RRM1: variants seen among roughly 807,000 people sequenced by gnomAD.
RRM1 encodes the protein ribonucleoside-diphosphate reductase large subunit.
In RRM1, 19 loss-of-function variants were observed where a neutral mutation model predicts 101.5. The ratio of observed to expected loss-of-function variants is 0.19; its 90% CI spans 0.13 to 0.27. The LOEUF (loss-of-function observed/expected upper bound fraction) is 0.27, where lower values mean the gene tolerates loss of function less well. Ranked by LOEUF, RRM1 falls within the 10% of genes least tolerant of loss-of-function variation. RRM1 has a pLI of 1.00. For synonymous variants in RRM1, 298 were observed against 323.4 expected (o/e 0.92, Z 0.84); for missense variants, 500 against 962.9 (o/e 0.52, Z 6.36).
At chr11:4,120,444 G>A (rs193297014) in intron 9 of RRM1, among the ~76,000 whole-genome samples, 1 of 151,746 alleles carries the variant, frequency 6.6e-6, no homozygotes, top group Non-Finnish European at 1.5e-5. Flanking sequence ...GCTCACCGTA[G>A]CCTTGACCTC....
rs575877795 is a variant in RRM1 at position 4,095,156 on chromosome 11, G to A, written c.19+125G>A. 118 of 1,221,492 alleles carry A rather than the reference G, an allele frequency of 9.7e-5. 1 individual carries two copies. In the South Asian group the frequency reaches 1.6e-3, roughly 16 times the overall value. The allele number at this position is 1,221,492 out of a possible 1,614,324, so 75.7% of individuals were successfully genotyped here. ...CGCCTTTCCCGCATTTCCCGCCGCG[G>A]CCTTCCGCCCTGTCAGCCCGCTCGG... On this transcript the variant is annotated intron_variant, in intron 1 of 18. Transcript: ENST00000300738.
intron 9 of RRM1, among the ~76,000 whole-genome samples, chr11:4,120,950 C>T (rs1262250698): frequency 1.3e-5 from 2 of 152,170 alleles, no homozygotes; most frequent in Non-Finnish European, 2.9e-5. Context: ...GCCCGGTAGG[C>T]AGGAGGTTGC....
At chr11:4,121,172 G>A (rs1446176093) in intron 9 of RRM1, among the ~76,000 whole-genome samples, 1 of 152,172 alleles carries the variant, frequency 6.6e-6, no homozygotes, top group Non-Finnish European at 1.5e-5. Flanking sequence ...ATCGCTTGTT[G>A]GTTTATGAAT....
At position 4,098,853 on chromosome 11, in the gene RRM1, C is replaced by T. The variant is rs114359533; in HGVS notation, c.20-3140C>T. ...ACTGATTAATGAGATGATAGTAAAA[C>T]AGGATCATGTGATAAAGATGAATGA... On this transcript the variant is annotated intron_variant, in intron 1 of 18. Coordinates refer to ENST00000300738, the MANE Select transcript of RRM1 (RefSeq NM_001033.5). Among the ~76,000 whole-genome samples the T allele has an allele frequency of 2.8e-3, 428 of 152,226 alleles. 5 individuals carry two copies. Among genetic ancestry groups the T allele is most frequent in the African/African-American group, 9.7e-3 (401 of 41,532 alleles).
At chr11:4,113,683 C>A (rs1461776130) in intron 7 of RRM1, among the ~76,000 whole-genome samples, 2 of 152,204 alleles carry the variant, frequency 1.3e-5, no homozygotes, top group Non-Finnish European at 2.9e-5. Context: ...GTATAGCCTA[C>A]TACACACATA....
intron 14 of RRM1, among the ~76,000 whole-genome samples, chr11:4,128,649 T>C (rs933989460): frequency 1.5e-4 from 23 of 152,220 alleles, no homozygotes; most frequent in African/African-American, 5.5e-4. Flanking sequence ...CTTTACTATA[T>C]AAAATGTTAA....
At chr11:4,107,700 G>A (rs2094560109) in intron 4 of RRM1, 165 bp downstream of exon 4, 2 of 582,806 alleles carry the variant, frequency 3.4e-6, no homozygotes, top group Non-Finnish European at 6.1e-6. Context: ...ATTTTAAAAT[G>A]TATTTTTCCA....
At chr11:4,111,833 T>G in intron 6 of RRM1, 67 bp from the exon 7 acceptor site, 1 of 1,460,570 alleles carries the variant, frequency 6.8e-7, no homozygotes, top group Non-Finnish European at 9.3e-7. Flanking sequence ...TTTCTGAAAT[T>G]CAAATACGTA....
intron 17 of RRM1, among the ~76,000 whole-genome samples, chr11:4,134,342 T>C (rs1272730148): frequency 2.6e-5 from 4 of 152,166 alleles, no homozygotes; most frequent in Non-Finnish European, 4.4e-5. Flanking sequence ...GGATCATAGA[T>C]AGAAAGACTG....
rs747910256 is a variant in RRM1 at position 4,121,783 on chromosome 11, G to A, written c.1038+18G>A. 6.4e-7 allele frequency: 1 copy of A among 1,572,284 alleles called. No homozygotes were observed. The highest frequency in any genetic ancestry group is 1.2e-5 in the South Asian group (1 of 83,078). The stretch of plus-strand genomic sequence containing the variant: ...CTAATCAGGTGAGAGATAGGTACTT[G>A]TTGGTAATAGCAACTTGATTCACAT... On this transcript the variant is annotated intron_variant, in intron 10 of 18. Transcript: ENST00000300738.
At chr11:4,123,120 A>G (rs1314281807) in intron 11 of RRM1, 63 bp from the exon 12 acceptor site, 4 of 1,233,812 alleles carry the variant, frequency 3.2e-6, no homozygotes, top group African/African-American at 1.5e-5. Flanking sequence ...AATGTCTTCA[A>G]GTTGTCTACA....
chr11:4,103,032 G>T (rs373455304), intron 2 of RRM1, among the ~76,000 whole-genome samples: 1 of 151,922 alleles, frequency 6.6e-6, no homozygotes, highest in Non-Finnish European at 1.5e-5. Context: ...CCATATTTCC[G>T]TCTCCTTATT....
At chr11:4,130,076 ATATATATATATTTT>A (rs1417303294) in intron 15 of RRM1, among the ~76,000 whole-genome samples, 1 of 94,702 alleles carries the variant, frequency 1.1e-5, no homozygotes, top group South Asian at 3.6e-4. Context: ...TTATATATAT[ATATATATATATTTT>A]TTTTTTTTTT....
At chr11:4,129,933 A>G (rs1431577859) in intron 15 of RRM1, among the ~76,000 whole-genome samples, 1 of 151,194 alleles carries the variant, frequency 6.6e-6, no homozygotes, top group African/African-American at 2.4e-5. Flanking sequence ...TGAAAATTAT[A>G]CTAATACTGC....
chr11:4,095,084 G>T, intron 1 of RRM1, 53 bp downstream of exon 1: 1 of 1,545,270 alleles, frequency 6.5e-7, no homozygotes. Flanking sequence ...GCGGGCTGCC[G>T]CCGCCGGAGC....
intron 12 of RRM1, among the ~76,000 whole-genome samples, chr11:4,123,736 A>G (rs1378634653): frequency 1.3e-5 from 2 of 152,188 alleles, no homozygotes; most frequent in Non-Finnish European, 2.9e-5. Flanking sequence ...TGAGCCTGGA[A>G]AGTGGAGGCT....
At chr11:4,122,480 G>T (rs2094583203) in intron 11 of RRM1, among the ~76,000 whole-genome samples, 1 of 152,100 alleles carries the variant, frequency 6.6e-6, no homozygotes, top group East Asian at 1.9e-4. Flanking sequence ...GACTAGTAGG[G>T]TTATTATTTT....
intron 2 of RRM1, 50 bp from the exon 3 acceptor site, chr11:4,105,996 G>A: frequency 1.3e-6 from 2 of 1,484,374 alleles, no homozygotes; most frequent in African/African-American, 2.8e-5. Context: ...TTTTAAGGAA[G>A]CTATTGTTTC....
Position 4,138,668 on chromosome 11 carries a change from C to A in RRM1, c.*285C>A. On this transcript the variant is annotated 3_prime_UTR_variant, in exon 19 of 19. Transcript: ENST00000300738. ...AATGCAAAATAAGTCATCTTGCATA[C>A]AGGGAGTGGTTAAGTAAGGTTTCAT... 3.8e-6 allele frequency: 1 copy of A among 261,856 alleles called. No individual in the cohort carries two copies. The highest frequency in any genetic ancestry group is 7.2e-6 in the Non-Finnish European group (1 of 138,744). The allele number at this position is 261,856 out of a possible 1,614,324, so 16.2% of individuals were successfully genotyped here. A position where few individuals can be genotyped will look rare whatever the true frequency, so the allele number is the denominator to read the frequency against.
Sources: allele counts gnomAD v4.1 joint callset (sites outside exome capture counted in the v4.1 genomes callset), GRCh38; gene constraint gnomAD v4.1.1; transcripts MANE v1.5; gene names NCBI Gene and HGNC (gene_info 2026-07-23, HGNC 2026-07-21).